C10orf90: variants seen among roughly 807,000 people sequenced by gnomAD.
The protein encoded by C10orf90 is chromosome 10 open reading frame 90, also known as (E2-independent) E3 ubiquitin-conjugating enzyme FATS.
C10orf90 carries 56 observed loss-of-function variants against 62.5 expected under a neutral mutation model. The ratio of observed to expected loss-of-function variants is 0.90; its 90% CI spans 0.72 to 1.12. The LOEUF is 1.12. Among genes scored for constraint, C10orf90 ranks in the 50% most tolerant of loss-of-function variants. The probability of loss-of-function intolerance (pLI) is 0.00; values close to 1 mark genes in which losing one functional copy is unlikely to be tolerated. For synonymous variants in C10orf90, 386 were observed against 340.4 expected (o/e 1.13, Z -1.47); for missense variants, 970 against 880.4 (o/e 1.10, Z -1.29).
chr10:126,486,922 C>T (rs1861465829), intron 4 of C10orf90, among the ~76,000 whole-genome samples: 1 of 151,908 alleles, frequency 6.6e-6, no homozygotes, highest in South Asian at 2.1e-4. Context: ...GGGGGTGGAT[C>T]ACCTGAGGTC....
intron 4 of C10orf90, among the ~76,000 whole-genome samples, chr10:126,490,561 G>T (rs1861712718): frequency 1.3e-5 from 2 of 152,008 alleles, no homozygotes; most frequent in Admixed American, 6.6e-5. Context: ...GATGATGGTT[G>T]CAAAACAGTA....
At chr10:126,553,595 A>G (rs1294798746) in intron 2 of C10orf90, among the ~76,000 whole-genome samples, 1 of 152,222 alleles carries the variant, frequency 6.6e-6, no homozygotes, top group Admixed American at 6.5e-5. Context: ...GTTTAGATAC[A>G]CAAATTCTTA....
chr10:126,469,401 A>C (rs1272100944), intron 4 of C10orf90, among the ~76,000 whole-genome samples: 1 of 152,138 alleles, frequency 6.6e-6, no homozygotes, highest in East Asian at 1.9e-4. Flanking sequence ...CCAACCACTC[A>C]ACCAAAAAGA....
At chr10:126,639,844 A>G (rs1846025009) in intron 2 of C10orf90, among the ~76,000 whole-genome samples, 1 of 152,276 alleles carries the variant, frequency 6.6e-6, no homozygotes, top group Admixed American at 6.5e-5. Context: ...AGGCCAAATT[A>G]GAGCAGAAAC....
In C10orf90 at chr10:126,456,371, A is replaced by C. The variant is rs117838795; in HGVS notation, c.2188+2669T>G. Among the ~76,000 whole-genome samples the C allele has an allele frequency of 1.8e-3, 277 of 152,316 alleles. No homozygotes were observed. Among genetic ancestry groups the C allele is most frequent in the Middle Eastern group, 0.014 (4 of 294 alleles). On this transcript the variant is annotated intron_variant, in intron 7 of 9. Transcript: ENST00000488181. The surrounding 1 kb of genome is among the most constrained non-coding windows in gnomAD (Gnocchi z 4.9). ...GTGGCCATAAAACCCACGTTGGCCA[A>C]GTCCCACTTTGAGAGCATGCTGCTT... is the stretch of plus-strand genomic sequence containing the variant.
At position 126,456,045 on chromosome 10, in the gene C10orf90, G is replaced by C. The variant is rs1011325182; in HGVS notation, c.2188+2995C>G. Among the ~76,000 whole-genome samples the C allele has an allele frequency of 7.2e-5, 11 of 152,222 alleles. No homozygotes were observed. The highest frequency in any genetic ancestry group is 2.7e-4 in the African/African-American group (11 of 41,454). On this transcript the variant is annotated intron_variant, in intron 7 of 9. Coordinates refer to ENST00000488181, the MANE Select transcript of C10orf90 (RefSeq NM_001350921.2). This position sits in a 1 kb window ranked among gnomAD's most constrained non-coding sequence, Gnocchi z 4.9. ...ACCCCAGCACCAAAAGCAAATAGGA[G>C]TCTTCTTTTTAACAGACGCCTTGAC...
intron 2 of C10orf90, among the ~76,000 whole-genome samples, chr10:126,571,397 T>C (rs1836943): frequency 0.94 from 142,775 of 152,232 alleles, 67,190 homozygotes; most frequent in Middle Eastern, 0.99. Flanking sequence ...GCAGCGCAGT[T>C]GGGAACCTGC....
At position 126,504,133 on chromosome 10, in the gene C10orf90, C is replaced by A; in HGVS notation, c.1358G>T (p.Gly453Val). The A allele has an allele frequency of 1.2e-6, 2 of 1,614,116 alleles. No individual in the cohort carries two copies. Among genetic ancestry groups the A allele is most frequent in the South Asian group, 2.2e-5 (2 of 91,066 alleles). The change falls in exon 4 of 10, where the codon GGG becomes GTG. Residue 453 changes from glycine (G) to valine (V), a missense_variant. Transcript: ENST00000488181. This position sits in a 1 kb window ranked among gnomAD's most constrained non-coding sequence, Gnocchi z 4.1. The part of the protein sequence containing the change: ...ETPSLRRVHL[G>V]TGACPWSGSF... ...ACCACTCCAAGGACAAGCGCCGGTC[C>A]CCAAATGCACCCGCCTCAACGATGG...
intron 2 of C10orf90, among the ~76,000 whole-genome samples, chr10:126,532,862 G>GAAAAAAAAAAAAAAA (rs1564860259): frequency 9.0e-5 from 2 of 22,136 alleles, no homozygotes; most frequent in Non-Finnish European, 2.5e-4. Flanking sequence ...AAAAAATAGT[G>GAAAAAAAAAAAAAAA]AGCACAAAAC....
chr10:126,618,266 T>C (rs1276585967), intron 2 of C10orf90, among the ~76,000 whole-genome samples: 1 of 152,182 alleles, frequency 6.6e-6, no homozygotes, highest in Non-Finnish European at 1.5e-5. Flanking sequence ...ATTTCAGAGA[T>C]GTTAAAATGT....
At position 126,546,129 on chromosome 10, in the gene C10orf90, C is replaced by T. The variant is rs568928010; in HGVS notation, c.314-32190G>A. ...AAAAAACCCCAGGCAAAGCCTGCTC[C>T]CTAGGAAAAACAAAAACCAAGAAAG... On this transcript the variant is annotated intron_variant, in intron 2 of 9. Coordinates refer to ENST00000488181, the MANE Select transcript of C10orf90 (RefSeq NM_001350921.2). 2.6e-5 allele frequency among the ~76,000 whole-genome samples: 4 copies of T among 152,244 alleles called. No homozygotes were observed. The East Asian group carries it at 7.7e-4, about 29-fold the overall frequency.
At chr10:126,575,836 C>G (rs778570716) in intron 2 of C10orf90, among the ~76,000 whole-genome samples, 1 of 151,928 alleles carries the variant, frequency 6.6e-6, no homozygotes, top group Non-Finnish European at 1.5e-5. Context: ...ATAATCTCTT[C>G]AATATATAGT....
intron 7 of C10orf90, among the ~76,000 whole-genome samples, chr10:126,447,235 T>G (rs10794084): frequency 0.45 from 68,424 of 151,040 alleles, 15,547 homozygotes; most frequent in African/African-American, 0.5. Context: ...ATATACTGAG[T>G]AGCTCAATGG....
intron 1 of C10orf90, 31 bp downstream of exon 1, chr10:126,670,210 T>C: frequency 2.2e-6 from 1 of 455,824 alleles, no homozygotes; most frequent in Non-Finnish European, 4.4e-6. Flanking sequence ...GTCAAGCGTG[T>C]ACCCACTCAC....
chr10:126,649,062 CTCTCTCTCT>C lies in C10orf90; in HGVS notation c.241-2434_241-2426del, dbSNP rs1846234080. 1.8e-3 allele frequency among the ~76,000 whole-genome samples: 113 copies of C among 62,070 alleles called. 4 individuals carry two copies. Among genetic ancestry groups the C allele is most frequent in the African/African-American group, 5.8e-3 (87 of 15,130 alleles). 40.7% of individuals were successfully genotyped at this position (62,070 alleles called of 152,430 possible). ...TCTCTCTCTCTCTCTCTCTCTCTCT[CTCTCTCTCT>C]CCCCCCCCCCCAGCAATTCACAATG... On this transcript the variant is annotated intron_variant, in intron 1 of 9. Transcript: ENST00000488181.
At chr10:126,609,261 G>A (rs936362575) in intron 2 of C10orf90, among the ~76,000 whole-genome samples, 2 of 152,150 alleles carry the variant, frequency 1.3e-5, no homozygotes, top group African/African-American at 4.8e-5. Context: ...AAATTAGCCA[G>A]GCATGGTGGT....
At chr10:126,459,643 C>T (rs1859830833) in intron 6 of C10orf90, among the ~76,000 whole-genome samples, 1 of 152,210 alleles carries the variant, frequency 6.6e-6, no homozygotes. Flanking sequence ...TTGGAAGCCC[C>T]AAGAAGCACA....
At chr10:126,635,529 G>A (rs565089295) in intron 2 of C10orf90, among the ~76,000 whole-genome samples, 1 of 152,290 alleles carries the variant, frequency 6.6e-6, no homozygotes, top group South Asian at 2.1e-4. Flanking sequence ...CCGTCTCTGG[G>A]TTAAAAAGGA....
chr10:126,653,565 C>T (rs186172918), intron 1 of C10orf90, among the ~76,000 whole-genome samples: 140 of 152,296 alleles, frequency 9.2e-4, no homozygotes, highest in African/African-American at 3.3e-3. Context: ...GCTATTTCTA[C>T]AACATCTTTA....
Sources: allele counts gnomAD v4.1 joint callset (sites outside exome capture counted in the v4.1 genomes callset), GRCh38; gene constraint gnomAD v4.1.1; non-coding constraint Gnocchi (gnomAD v3.1); transcripts MANE v1.5; gene names NCBI Gene and HGNC (gene_info 2026-07-23, HGNC 2026-07-21).